Variants in C6orf132 observed in about 807,000 individuals in gnomAD.
The protein encoded by C6orf132 is uncharacterized protein C6orf132.
A neutral mutation model predicts 65.3 loss-of-function variants in C6orf132; 43 were observed. That is an observed-to-expected ratio of 0.66 (90% CI 0.52 to 0.85). The LOEUF is 0.85. C6orf132 is among the 40% of genes least tolerant of loss of function. The pLI is 0.00. For missense variants in C6orf132, 1,488 were observed against 1,548.8 expected, an observed-to-expected ratio of 0.96 and a Z score of 0.66; for synonymous variants, 631 against 654.1, an observed-to-expected ratio of 0.96 and a Z score of 0.54.
At position 42,107,480 on chromosome 6, in the gene C6orf132, TGGGGGAGGTG is replaced by T; in HGVS notation, c.422_431del (p.Pro141GlnfsTer81). 9.1e-7 allele frequency: 1 copy of T among 1,104,540 alleles called. No homozygotes were observed. The highest frequency in any genetic ancestry group is 1.1e-6 in the Non-Finnish European group (1 of 877,922). The allele number at this position is 1,104,540 out of a possible 1,614,324, so 68.4% of individuals were successfully genotyped here. On this transcript the variant is annotated frameshift_variant, in exon 4 of 5. Transcript: ENST00000341865. LOFTEE classifies it high-confidence loss of function. The stretch of plus-strand genomic sequence containing the variant: ...CCTGAGGGGGCCCTGGGGCTGGGCC[TGGGGGAGGTG>T]GGGGGATGAGTAGATCCTGGCCATA...
intron 2 of C6orf132, among the ~76,000 whole-genome samples, chr6:42,111,159 T>C (rs1366776528): frequency 6.6e-6 from 1 of 152,100 alleles, no homozygotes; most frequent in Non-Finnish European, 1.5e-5. Context: ...GGTTTTATTC[T>C]GTCACCTAAG....
chr6:42,105,601 G>A lies in C6orf132; in HGVS notation c.2311C>T (p.Pro771Ser). Residue 771 changes from proline to serine, a missense_variant, in exon 4 of 5, where the codon CCC becomes TCC. Physicochemically the swap from Pro to Ser is moderately conservative, Grantham distance 74. Transcript: ENST00000341865. ...GGGEVPCLYK[P>S]HCHQSSLSRE... ...CTGAGGCTGCTCTGGTGGCAGTGGGGCTTGTAGAGACATGGCACCTCTCCT... is the reference window on the plus strand; with the variant it reads ...CTGAGGCTGCTCTGGTGGCAGTGGGACTTGTAGAGACATGGCACCTCTCCT... 6.5e-7 allele frequency: 1 copy of A among 1,536,930 alleles called. No individual in the cohort carries two copies.
chr6:42,106,646 C>T lies in C6orf132; in HGVS notation c.1266G>A (p.Lys422=). 6.5e-7 allele frequency: 1 copy of T among 1,530,318 alleles called. No individual in the cohort carries two copies. Among genetic ancestry groups the T allele is most frequent in the African/African-American group, 1.4e-5 (1 of 71,276 alleles). The allele number at this position is 1,530,318 out of a possible 1,614,324, so 94.8% of individuals were successfully genotyped here. A position where few individuals can be genotyped will look rare whatever the true frequency, so the allele number is the denominator to read the frequency against. ...PAAPPLPCAQ[K]AAHPPAGFTK... The stretch of plus-strand genomic sequence containing the variant: ...TAAACCCAGCAGGTGGATGGGCTGC[C>T]TTCTGAGCACAGGGCAAAGGAGGTG... Residue 422 remains lysine, a synonymous_variant, in exon 4 of 5, where the codon AAG becomes AAA. Coordinates refer to ENST00000341865, the MANE Select transcript of C6orf132 (RefSeq NM_001164446.3).
At chr6:42,137,701 A>C (rs1766965427) in intron 1 of C6orf132, among the ~76,000 whole-genome samples, 1 of 152,112 alleles carries the variant, frequency 6.6e-6, no homozygotes, top group East Asian at 1.9e-4. Context: ...CAGGATTCTC[A>C]TATCTTCCCG....
chr6:42,118,556 CA>C (rs987552504), intron 2 of C6orf132, among the ~76,000 whole-genome samples: 1 of 152,210 alleles, frequency 6.6e-6, no homozygotes, highest in Non-Finnish European at 1.5e-5. Flanking sequence ...TCGAAAGGGG[CA>C]GACCAACCTG....
At chr6:42,115,325 A>G (rs1271583095) in intron 2 of C6orf132, among the ~76,000 whole-genome samples, 1 of 149,154 alleles carries the variant, frequency 6.7e-6, no homozygotes, top group Non-Finnish European at 1.5e-5. Flanking sequence ...AAAGTTATGT[A>G]CTTAATGCCA....
At chr6:42,128,066 A>G (rs1766792634) in intron 2 of C6orf132, among the ~76,000 whole-genome samples, 1 of 150,926 alleles carries the variant, frequency 6.6e-6, no homozygotes, top group Non-Finnish European at 1.5e-5. Context: ...CTGGGACTAC[A>G]GGTGCTTGCC....
intron 2 of C6orf132, among the ~76,000 whole-genome samples, chr6:42,123,220 A>G (rs781090970): frequency 3.9e-5 from 6 of 151,936 alleles, no homozygotes; most frequent in Non-Finnish European, 8.8e-5. Flanking sequence ...TGTCTCTACT[A>G]AAAATACAAA....
At chr6:42,128,983 G>A (rs1766812201) in intron 1 of C6orf132, among the ~76,000 whole-genome samples, 1 of 152,202 alleles carries the variant, frequency 6.6e-6, no homozygotes, top group African/African-American at 2.4e-5. Context: ...CGCTGGGTGA[G>A]GGACTCGGTG....
In C6orf132 at chr6:42,104,971, ACTCCTCCTC is replaced by A. The variant is rs150599390; in HGVS notation, c.2932_2940del (p.Glu978_Glu980del). 3.1e-5 allele frequency: 46 copies of A among 1,489,278 alleles called. No homozygotes were observed. In the South Asian group the frequency reaches 3.3e-4, roughly 11 times the overall value. The allele number at this position is 1,489,278 out of a possible 1,614,324, so 92.3% of individuals were successfully genotyped here. A position where few individuals can be genotyped will look rare whatever the true frequency, so the allele number is the denominator to read the frequency against. On this transcript the variant is annotated inframe_deletion, in exon 4 of 5. Coordinates refer to ENST00000341865, the MANE Select transcript of C6orf132 (RefSeq NM_001164446.3). The surrounding 1 kb of genome is among the most constrained non-coding windows in gnomAD (Gnocchi z 4.1). ...GGCGGTGGGATGACCTCGAAGTTGA[ACTCCTCCTC>A]CTCCTCCTCCCTCTTGTTCGAAGGA...
Position 42,142,344 on chromosome 6 carries a change from C to A in C6orf132, c.101G>T (p.Trp34Leu), listed in dbSNP as rs1767050907. 1 of 1,551,250 alleles carries A rather than the reference C, an allele frequency of 6.4e-7. No homozygotes were observed. Among genetic ancestry groups the A allele is most frequent in the Non-Finnish European group, 8.7e-7 (1 of 1,146,852 alleles). ...STSLYATNPP[W>L]IFTQEAPEEG... The stretch of plus-strand genomic sequence containing the variant: ...CTCCGGGGCCTCCTGGGTGAAGATC[C>A]AGGGCGGATTGGTGGCGTAGAGGGA... Residue 34 changes from tryptophan (W) to leucine (L), a missense_variant, in exon 1 of 5, where the codon TGG becomes TTG. Coordinates refer to ENST00000341865, the MANE Select transcript of C6orf132 (RefSeq NM_001164446.3).
chr6:42,102,978 G>A lies in C6orf132; in HGVS notation c.*783C>T, dbSNP rs1335695324. 7.5e-6 allele frequency: 3 copies of A among 398,056 alleles called. No homozygotes were observed. Among genetic ancestry groups the A allele is most frequent in the Admixed American group, 4.4e-5 (1 of 22,706 alleles). 24.7% of individuals were successfully genotyped at this position (398,056 alleles called of 1,614,324 possible). A position where few individuals can be genotyped will look rare whatever the true frequency, so the allele number is the denominator to read the frequency against. On this transcript the variant is annotated 3_prime_UTR_variant, in exon 5 of 5. Transcript: ENST00000341865. ...CCCAAAATCAGGGCTGCACAGGTCT[G>A]AATAGCAAAGCCAGGCTTAACCTTG...
At chr6:42,123,319 C>G (rs1766715023) in intron 2 of C6orf132, among the ~76,000 whole-genome samples, 1 of 151,428 alleles carries the variant, frequency 6.6e-6, no homozygotes, top group Non-Finnish European at 1.5e-5. Context: ...GGAGGCGGAG[C>G]CTGCAGTGAG....
intron 1 of C6orf132, among the ~76,000 whole-genome samples, chr6:42,131,885 G>C (rs1023730275): frequency 6.6e-6 from 1 of 152,250 alleles, no homozygotes; most frequent in African/African-American, 2.4e-5. Flanking sequence ...GGAAGGCCCA[G>C]GTGGCTCCTC....
At chr6:42,117,012 C>T (rs150541824) in intron 2 of C6orf132, among the ~76,000 whole-genome samples, 91 of 152,308 alleles carry the variant, frequency 6.0e-4, no homozygotes, top group Non-Finnish European at 9.7e-4. Flanking sequence ...CTCAAGCTTC[C>T]GCAGCCTTGT....
Position 42,106,968 on chromosome 6 carries a change from A to T in C6orf132, c.944T>A (p.Ile315Asn). Residue 315 changes from isoleucine to asparagine, a missense_variant, in exon 4 of 5, where the codon ATC (isoleucine) becomes AAC (asparagine). Coordinates refer to ENST00000341865, the MANE Select transcript of C6orf132 (RefSeq NM_001164446.3). ...AGCCTCTTGTGCTTCCTGAACTGGGATGGACGAAGTCCTGACTGGGGTTGG... is the reference window on the plus strand; with the variant it reads ...AGCCTCTTGTGCTTCCTGAACTGGGTTGGACGAAGTCCTGACTGGGGTTGG... ...PPPTPVRTSS[I>N]PVQEAQEAPR... 1 of 1,534,444 alleles carries T rather than the reference A, an allele frequency of 6.5e-7. No individual in the cohort carries two copies. The highest frequency in any genetic ancestry group is 8.7e-7 in the Non-Finnish European group (1 of 1,146,242).
At chr6:42,117,198 A>G (rs555007325) in intron 2 of C6orf132, among the ~76,000 whole-genome samples, 1 of 152,290 alleles carries the variant, frequency 6.6e-6, no homozygotes, top group South Asian at 2.1e-4. Flanking sequence ...TGCAGCTGAC[A>G]TTTATTAGGC....
rs967495888 is a variant in C6orf132, at chr6:42,106,020, A to C, written c.1892T>G (p.Leu631Arg). The change falls in exon 4 of 5, where the codon CTC (leucine) becomes CGC (arginine). Residue 631 changes from leucine to arginine, a missense_variant. By Grantham distance (102) the Leu-to-Arg change is moderately radical (BLOSUM62 -2). Transcript: ENST00000341865. ...QSTTLLPTTS[L>R]QPKAMLGPAI... ...TGGTCCCAACATAGCCTTGGGCTGG[A>C]GTGATGTAGTTGGCAGCAGGGTGGT... The C allele has an allele frequency of 2.0e-6, 3 of 1,536,746 alleles. No homozygotes were observed. In the African/African-American group the frequency reaches 4.1e-5, roughly 21 times the overall value.
At position 42,142,300 on chromosome 6, in the gene C6orf132, C is replaced by T. The variant is rs1267081551; in HGVS notation, c.145G>A (p.Asp49Asn). 1.9e-6 allele frequency: 3 copies of T among 1,550,106 alleles called. No individual in the cohort carries two copies. Among genetic ancestry groups the T allele is most frequent in the East Asian group, 2.4e-5 (1 of 40,850 alleles). ...EAPEEGTGGF[D>N]GIYYGDNRFN... ...CGCCCTCCGTCCCCGGAGTACTCAC[C>T]GAAGCCCCCGGTCCCCTCCTCCGGG... Residue 49 changes from aspartate to asparagine, a missense_variant and splice_region_variant, in exon 1 of 5, where the codon GAT becomes AAT. Physicochemically the swap from Asp to Asn is conservative, Grantham distance 23. Transcript: ENST00000341865.
Sources: allele counts gnomAD v4.1 joint callset (sites outside exome capture counted in the v4.1 genomes callset), GRCh38; gene constraint gnomAD v4.1.1; non-coding constraint Gnocchi (gnomAD v3.1); transcripts MANE v1.5; gene names NCBI Gene and HGNC (gene_info 2026-07-23, HGNC 2026-07-21).